The following CHD1 variants were observed in gnomAD, a reference collection of about 807,000 sequenced individuals.
The protein encoded by CHD1 is ATP-dependent chromatin remodeler CHD1.
CHD1 carries 36 observed loss-of-function variants against 224.2 expected under a neutral mutation model. That is an observed-to-expected ratio of 0.16 (90% CI 0.12 to 0.21). The LOEUF (loss-of-function observed/expected upper bound fraction) is 0.21. CHD1 is among the 10% of genes least tolerant of loss of function. CHD1 has a pLI of 1.00. For synonymous variants in CHD1, 668 were observed against 658.3 expected, an observed-to-expected ratio of 1.01 and a Z score of -0.23; for missense variants, 1,378 against 1,994.8, an observed-to-expected ratio of 0.69 and a Z score of 5.89.
chr5:98,871,369 C>CAAAAAAAAAAAAAAAAAAA (rs61406690), intron 28 of CHD1, among the ~76,000 whole-genome samples: 1 of 46,780 alleles, frequency 2.1e-5, no homozygotes, highest in African/African-American at 1.1e-4. Context: ...CCATTTTAGG[C>CAAAAAAAAAAAAAAAAAAA]AAAAAAAAAA....
At chr5:98,897,869 T>C (rs1373968570) in intron 10 of CHD1, among the ~76,000 whole-genome samples, 2 of 152,150 alleles carry the variant, frequency 1.3e-5, no homozygotes, top group Admixed American at 6.5e-5. Context: ...TAAGAAAATA[T>C]CCACTATCTT....
At chr5:98,858,911 A>C (rs552138105) in intron 34 of CHD1, 53 bp downstream of exon 34, 3 of 1,308,368 alleles carry the variant, frequency 2.3e-6, no homozygotes, top group Non-Finnish European at 3.1e-6. Context: ...TAAAACAAAA[A>C]TTTAAAAAAA....
intron 18 of CHD1, chr5:98,883,888 C>T (rs1257506716): frequency 4.5e-5 from 2 of 44,464 alleles, no homozygotes; most frequent in Admixed American, 3.9e-4. Context: ...TTTTTTTTGA[C>T]AGAGTCTCAC....
In CHD1 at chr5:98,868,484, C is replaced by CT. The variant is rs766493819; in HGVS notation, c.4248+10dup. 1.9e-6 allele frequency: 3 copies of CT among 1,601,208 alleles called. No homozygotes were observed. The highest frequency in any genetic ancestry group is 4.5e-5 in the East Asian group (2 of 44,758). ...GAGTTAATACTAATAATCAGAAAGT[C>CT]TAAGGCTTACAATGCTGAATGTCTT... On this transcript the variant is annotated intron_variant, in intron 31 of 35. Transcript: ENST00000614616.
intron 7 of CHD1, 80 bp downstream of exon 7, chr5:98,900,731 G>C: frequency 2.4e-6 from 3 of 1,255,530 alleles, no homozygotes; most frequent in Non-Finnish European, 3.3e-6. Flanking sequence ...GGATTACAGG[G>C]GCGACCCACT....
At position 98,881,158 on chromosome 5, in the gene CHD1, T is replaced by C; in HGVS notation, c.2978A>G (p.Asp993Gly). ...EEQEPQEMDI[D>G]EILKRAETHE... The stretch of plus-strand genomic sequence containing the variant: ...AGTTTCAGCTCTCTTCAAGATTTCA[T>C]CTATATCCATTTCCTATAATTAAAA... The change falls in exon 22 of 36, where the codon GAT becomes GGT. Residue 993 changes from aspartate to glycine, a missense_variant. By Grantham distance (94) the Asp-to-Gly change is moderately conservative. Transcript: ENST00000614616. The C allele has an allele frequency of 1.3e-6, 2 of 1,597,724 alleles. No individual in the cohort carries two copies. The highest frequency in any genetic ancestry group is 1.7e-6 in the Non-Finnish European group (2 of 1,169,052).
chr5:98,924,962 A>G (rs1753357937), intron 2 of CHD1, among the ~76,000 whole-genome samples: 1 of 151,694 alleles, frequency 6.6e-6, no homozygotes, highest in Admixed American at 6.6e-5. Context: ...TGGGCGACAG[A>G]GCAAGACTCT....
chr5:98,888,057 T>C (rs1047217773), intron 17 of CHD1, 31 bp downstream of exon 17: 1 of 1,437,152 alleles, frequency 7.0e-7, no homozygotes, highest in Non-Finnish European at 9.5e-7. Flanking sequence ...TTAGATAAAA[T>C]TTAAAACAAC....
chr5:98,919,618 A>T (rs921948094), intron 2 of CHD1, among the ~76,000 whole-genome samples: 2 of 152,220 alleles, frequency 1.3e-5, no homozygotes, highest in Non-Finnish European at 2.9e-5. Context: ...GGTCAGAGCC[A>T]GGTTTCTCAA....
chr5:98,887,318 T>C (rs1212950734), intron 17 of CHD1, among the ~76,000 whole-genome samples: 1 of 152,174 alleles, frequency 6.6e-6, no homozygotes, highest in Non-Finnish European at 1.5e-5. Context: ...TGTAATCACC[T>C]GCTTGATGTC....
At chr5:98,888,975 C>T in intron 16 of CHD1, 101 bp downstream of exon 16, 1 of 705,094 alleles carries the variant, frequency 1.4e-6, no homozygotes, top group Non-Finnish European at 2.2e-6. Flanking sequence ...CTAAAGAGAA[C>T]TTTTATCCAA....
chr5:98,858,525 T>C (rs1748217652), intron 34 of CHD1, 135 bp from the exon 35 acceptor site: 1 of 662,578 alleles, frequency 1.5e-6, no homozygotes, highest in Non-Finnish European at 2.6e-6. Context: ...AGTTAAAGCA[T>C]TTAGAAATGG....
At position 98,870,711 on chromosome 5, in the gene CHD1, T is replaced by G; in HGVS notation, c.3954A>C (p.Ala1318=). Residue 1318 remains alanine (A), a synonymous_variant, in exon 29 of 36, where the codon GCA becomes GCC. Coordinates refer to ENST00000614616, the MANE Select transcript of CHD1 (RefSeq NM_001270.4). ...YLIKLLSRDL[A]KKEALSGAGS... ...CCGCACCAGAAAGAGCTTCTTTTTT[T>G]GCAAGATCTCTACTAAGTAATTTGA... 6.2e-7 allele frequency: 1 copy of G among 1,602,200 alleles called. No homozygotes were observed. The highest frequency in any genetic ancestry group is 8.5e-7 in the Non-Finnish European group (1 of 1,174,182).
chr5:98,859,138 T>A, intron 33 of CHD1, 123 bp from the exon 34 acceptor site: 1 of 666,032 alleles, frequency 1.5e-6, no homozygotes, highest in South Asian at 2.1e-5. Flanking sequence ...AATGTTTATG[T>A]GTGTATATAT....
At chr5:98,863,124 C>A (rs772761554) in intron 32 of CHD1, among the ~76,000 whole-genome samples, 2 of 151,966 alleles carry the variant, frequency 1.3e-5, no homozygotes, top group Non-Finnish European at 2.9e-5. Flanking sequence ...TGGTAAATTG[C>A]AAAGACTTTT....
chr5:98,893,265 C>A (rs2578576), intron 14 of CHD1, 151 bp downstream of exon 14: 79,912 of 505,642 alleles, frequency 0.16, 7,405 homozygotes, highest in Middle Eastern at 0.27. Context: ...TTACAAACTA[C>A]CTGACCTCAT....
chr5:98,863,461 G>A lies in CHD1; in HGVS notation c.4374C>T (p.Ile1458=). 1 of 1,604,658 alleles carries A rather than the reference G, an allele frequency of 6.2e-7. No homozygotes were observed. The change falls in exon 32 of 36, where the codon ATC becomes ATT. Residue 1458 remains isoleucine (I), a synonymous_variant. Coordinates refer to ENST00000614616, the MANE Select transcript of CHD1 (RefSeq NM_001270.4). ...TTGTATACTCTTTTAGACATTCTGT[G>A]ATATGGTCTCCAATTTTTATTAAAC... ...RQCLIKIGDH[I]TECLKEYTNP...
intron 17 of CHD1, 150 bp downstream of exon 17, chr5:98,887,938 A>C (rs1750760334): frequency 2.3e-6 from 1 of 443,840 alleles, no homozygotes; most frequent in African/African-American, 2.0e-5. Flanking sequence ...CGGGAATGAC[A>C]AATATTTTTT....
chr5:98,871,368 GCAAAAAAAAAAAAAAAA>G (rs1749323281), intron 28 of CHD1, among the ~76,000 whole-genome samples: 1 of 26,886 alleles, frequency 3.7e-5, no homozygotes. Flanking sequence ...CCCATTTTAG[GCAAAAAAAAAAAAAAAA>G]AAAAAAAAAA....
Sources: gnomAD v4.1 joint callset for allele counts (sites outside exome capture counted in the v4.1 genomes callset) on GRCh38, gnomAD v4.1.1 for gene constraint, MANE v1.5 for transcripts, NCBI Gene and HGNC (gene_info 2026-07-23, HGNC 2026-07-21) for gene names.